The following SNTB2 variants were observed in gnomAD, a reference collection of about 807,000 sequenced individuals.
The protein encoded by SNTB2 is beta-2-syntrophin.
SNTB2 carries 34 observed loss-of-function variants against 46.2 expected under a neutral mutation model. The ratio of observed to expected loss-of-function variants is 0.74; its 90% CI spans 0.56 to 0.98. SNTB2 has a LOEUF of 0.98. Among genes scored for constraint, SNTB2 ranks in the 50% least tolerant of loss-of-function variants. The pLI is 0.00. For missense variants in SNTB2, 603 were observed against 731.4 expected, an observed-to-expected ratio of 0.82 and a Z score of 2.02; for synonymous variants, 290 against 312.6, an observed-to-expected ratio of 0.93 and a Z score of 0.76.
At chr16:69,207,279 G>A (rs1964232692) in intron 1 of SNTB2, among the ~76,000 whole-genome samples, 2 of 150,726 alleles carry the variant, frequency 1.3e-5, no homozygotes, top group Non-Finnish European at 2.9e-5. Flanking sequence ...TCGGCTTCCC[G>A]AGTAGCTTGG....
intron 1 of SNTB2, among the ~76,000 whole-genome samples, chr16:69,225,308 A>T (rs1205728039): frequency 6.6e-6 from 1 of 152,256 alleles, no homozygotes; most frequent in African/African-American, 2.4e-5. Flanking sequence ...ATTTCCGTCT[A>T]TAGTTTATCA....
chr16:69,270,286 G>T lies in SNTB2; in HGVS notation c.1148+1G>T, dbSNP rs1471278430. 1 of 1,614,002 alleles carries T rather than the reference G, an allele frequency of 6.2e-7. No individual in the cohort carries two copies. Among genetic ancestry groups the T allele is most frequent in the Non-Finnish European group, 8.5e-7 (1 of 1,179,970 alleles). The stretch of plus-strand genomic sequence containing the variant: ...ACAGCTACCCACTTGTTGCCACCAG[G>T]TAAGTAAGACTAAAGATAAGGAAGT... On this transcript the variant is annotated splice_donor_variant, in intron 4 of 6. Transcript: ENST00000336278. LOFTEE classifies it high-confidence loss of function.
At position 69,304,586 on chromosome 16, in the gene SNTB2, C is replaced by T. The variant is rs2143219659; in HGVS notation, c.*3662C>T. On this transcript the variant is annotated 3_prime_UTR_variant, in exon 7 of 7. Transcript: ENST00000336278. ...ATTACTGATTGTTTTCCTAATTTAT[C>T]CTCCTAAGTTGAATGGTAACAAAGC... 1 of 152,352 alleles carries T rather than the reference C, an allele frequency of 6.6e-6. No homozygotes were observed. The highest frequency in any genetic ancestry group is 2.4e-5 in the African/African-American group (1 of 41,550). 9.4% of individuals were successfully genotyped at this position (152,352 alleles called of 1,614,324 possible).
At chr16:69,206,280 A>G (rs1375277249) in intron 1 of SNTB2, among the ~76,000 whole-genome samples, 1 of 152,180 alleles carries the variant, frequency 6.6e-6, no homozygotes, top group Admixed American at 6.5e-5. Flanking sequence ...AATTACAGGC[A>G]TGAGTCACTG....
At chr16:69,211,421 T>G (rs1964285472) in intron 1 of SNTB2, among the ~76,000 whole-genome samples, 1 of 151,374 alleles carries the variant, frequency 6.6e-6, no homozygotes, top group Non-Finnish European at 1.5e-5. Flanking sequence ...CATGGTGGCA[T>G]ATACCTGTAG....
chr16:69,256,155 C>T (rs1964774020), intron 2 of SNTB2, among the ~76,000 whole-genome samples: 1 of 152,042 alleles, frequency 6.6e-6, no homozygotes, highest in African/African-American at 2.4e-5. Flanking sequence ...CACTGCACTC[C>T]AGCCTGGGTG....
At chr16:69,234,735 C>G in intron 1 of SNTB2, among the ~76,000 whole-genome samples, 1 of 149,414 alleles carries the variant, frequency 6.7e-6, no homozygotes, top group East Asian at 2.0e-4. Flanking sequence ...CCAAGTCTCA[C>G]TCTGTCACCT....
At chr16:69,215,048 G>A (rs1433883194) in intron 1 of SNTB2, among the ~76,000 whole-genome samples, 1 of 151,902 alleles carries the variant, frequency 6.6e-6, no homozygotes, top group African/African-American at 2.4e-5. Flanking sequence ...TCACCATGTT[G>A]GCCAGGCTGT....
chr16:69,279,861 A>AT (rs1341863487), intron 4 of SNTB2, among the ~76,000 whole-genome samples: 28 of 145,528 alleles, frequency 1.9e-4, no homozygotes, highest in East Asian at 9.7e-4. Flanking sequence ...TAATTAATTA[A>AT]TTAATTAATT....
chr16:69,203,464 G>A (rs771931781), intron 1 of SNTB2, among the ~76,000 whole-genome samples: 1 of 151,736 alleles, frequency 6.6e-6, no homozygotes, highest in Non-Finnish European at 1.5e-5. Context: ...TTAGCCTCTC[G>A]AGTAGCTGGA....
intron 5 of SNTB2, among the ~76,000 whole-genome samples, chr16:69,285,453 CTATTTATT>C (rs56095766): frequency 0.02 from 2,663 of 130,576 alleles, 82 homozygotes; most frequent in African/African-American, 0.066. Context: ...CTTTGAGCTT[CTATTTATT>C]TATTTATTTA....
chr16:69,302,968 C>G lies in SNTB2; in HGVS notation c.*2044C>G, dbSNP rs935183940. On this transcript the variant is annotated 3_prime_UTR_variant, in exon 7 of 7. Transcript: ENST00000336278. ...GATCTCGGCTCACTGCAACCTCCAC[C>G]TCCTAGGTTCAAGTGATTCTCCTGA... The G allele has an allele frequency of 6.6e-6, 1 of 152,118 alleles. No individual in the cohort carries two copies. Among genetic ancestry groups the G allele is most frequent in the Non-Finnish European group, 1.5e-5 (1 of 68,068 alleles). 9.4% of individuals were successfully genotyped at this position (152,118 alleles called of 1,614,324 possible). A position where few individuals can be genotyped will look rare whatever the true frequency, so the allele number is the denominator to read the frequency against.
chr16:69,243,374 G>A (rs1238469007), intron 1 of SNTB2, among the ~76,000 whole-genome samples: 1 of 152,140 alleles, frequency 6.6e-6, no homozygotes, highest in African/African-American at 2.4e-5. Context: ...ATGGGGGTAT[G>A]GACTGCATTG....
intron 3 of SNTB2, among the ~76,000 whole-genome samples, chr16:69,268,295 C>G (rs1333916926): frequency 6.6e-6 from 1 of 152,044 alleles, no homozygotes; most frequent in Non-Finnish European, 1.5e-5. Context: ...GAAACGCTGT[C>G]TTTACTAAAA....
intron 4 of SNTB2, among the ~76,000 whole-genome samples, chr16:69,272,374 C>G (rs1964945636): frequency 6.6e-6 from 1 of 151,432 alleles, no homozygotes; most frequent in Admixed American, 6.6e-5. Flanking sequence ...AATCCCATCT[C>G]TACTAAAAAT....
At chr16:69,220,628 A>G (rs1308798779) in intron 1 of SNTB2, among the ~76,000 whole-genome samples, 2 of 151,850 alleles carry the variant, frequency 1.3e-5, no homozygotes, top group Non-Finnish European at 2.9e-5. Flanking sequence ...CCTGGGCTCA[A>G]GCAATCCTTC....
intron 5 of SNTB2, among the ~76,000 whole-genome samples, chr16:69,293,386 T>G (rs1219532274): frequency 6.6e-6 from 1 of 152,038 alleles, no homozygotes; most frequent in African/African-American, 2.4e-5. Flanking sequence ...AAATAGAAGC[T>G]GATAGACAGC....
In SNTB2 at chr16:69,187,681, G is replaced by A. The variant is rs1342491886; in HGVS notation, c.515G>A (p.Arg172His). The change falls in exon 1 of 7, where the codon CGC becomes CAC. Residue 172 changes from arginine to histidine, a missense_variant. Physicochemically the swap from Arg to His is conservative, Grantham distance 29. Coordinates refer to ENST00000336278, the MANE Select transcript of SNTB2 (RefSeq NM_006750.4). ...AILSVNGTDL[R>H]QATHDQAVQA... ...CTGTCGGTGAACGGCACCGACCTGC[G>A]CCAGGCCACCCACGACCAGGCCGTG... 6.8e-7 allele frequency: 1 copy of A among 1,463,558 alleles called. No homozygotes were observed. The highest frequency in any genetic ancestry group is 9.1e-7 in the Non-Finnish European group (1 of 1,102,364). The allele number at this position is 1,463,558 out of a possible 1,614,324, so 90.7% of individuals were successfully genotyped here.
At chr16:69,192,346 A>G (rs1446264859) in intron 1 of SNTB2, among the ~76,000 whole-genome samples, 1 of 152,238 alleles carries the variant, frequency 6.6e-6, no homozygotes, top group Non-Finnish European at 1.5e-5. Flanking sequence ...TCTCCTTCCA[A>G]CTGCCTGTGC....
Sources: gnomAD v4.1 joint callset for allele counts (sites outside exome capture counted in the v4.1 genomes callset) on GRCh38, gnomAD v4.1.1 for gene constraint, MANE v1.5 for transcripts, NCBI Gene and HGNC (gene_info 2026-07-23, HGNC 2026-07-21) for gene names.